The following SUGCT variants were observed in gnomAD, a reference collection of about 807,000 sequenced individuals.
SUGCT encodes the protein succinyl-CoA:glutarate-CoA transferase, also known as succinyl-CoA:glutarate CoA-transferase.
Under a neutral mutation model 55.0 loss-of-function variants are expected in SUGCT, and 41 were observed. The observed-to-expected ratio is 0.74, with a 90% CI of 0.58 to 0.97. The LOEUF is 0.97. Ranked by LOEUF, SUGCT falls within the 50% of genes least tolerant of loss-of-function variation. The probability of loss-of-function intolerance (pLI) is 0.00; values close to 1 mark genes in which losing one functional copy is unlikely to be tolerated. For missense variants in SUGCT, 568 were observed against 547.8 expected (o/e 1.04, Z -0.37); for synonymous variants, 187 against 200.4 (o/e 0.93, Z 0.56).
At chr7:40,290,572 T>A (rs111708787) in intron 8 of SUGCT, among the ~76,000 whole-genome samples, 1 of 151,896 alleles carries the variant, frequency 6.6e-6, no homozygotes, top group Admixed American at 6.5e-5. Flanking sequence ...ACCTAGGCAG[T>A]ACTATTCAGG....
intron 12 of SUGCT, among the ~76,000 whole-genome samples, chr7:40,537,042 G>T (rs1293690584): frequency 6.6e-6 from 1 of 152,148 alleles, no homozygotes; most frequent in African/African-American, 2.4e-5. Flanking sequence ...AATTGAAATT[G>T]TTGATTCACA....
intron 12 of SUGCT, among the ~76,000 whole-genome samples, chr7:40,657,999 T>G (rs1476951955): frequency 1.3e-5 from 2 of 152,162 alleles, no homozygotes; most frequent in African/African-American, 4.8e-5. Flanking sequence ...CAAGGAAAAC[T>G]CTTAGAGGGA....
rs531199636 is a variant in SUGCT, at chr7:40,398,348, T to C, written c.817-50939T>C. Among the ~76,000 whole-genome samples, 15 of 152,220 alleles carry C rather than the reference T, an allele frequency of 9.9e-5. 1 individual carries two copies. In the South Asian group the frequency reaches 2.7e-3, roughly 27 times the overall value. On this transcript the variant is annotated intron_variant, in intron 9 of 13. Transcript: ENST00000335693. Reference sequence around the variant, plus strand: ...CTCAAGTGATCCACCTGCCTGGGCCTCCCAAAGTGCTGGGATTACAGGTGT... The same window carrying C: ...CTCAAGTGATCCACCTGCCTGGGCCCCCCAAAGTGCTGGGATTACAGGTGT...
chr7:40,400,559 C>G (rs1333171350), intron 9 of SUGCT, among the ~76,000 whole-genome samples: 1 of 152,144 alleles, frequency 6.6e-6, no homozygotes, highest in African/African-American at 2.4e-5. Flanking sequence ...AAGCATATAT[C>G]TTCATGAGAG....
chr7:40,851,990 G>A (rs1430183600), intron 13 of SUGCT, among the ~76,000 whole-genome samples: 1 of 152,184 alleles, frequency 6.6e-6, no homozygotes, highest in Middle Eastern at 3.2e-3. Context: ...TTTAGAATGA[G>A]GACATTTAGA....
chr7:40,208,324 G>T (rs958779612), intron 6 of SUGCT, among the ~76,000 whole-genome samples: 102 of 152,124 alleles, frequency 6.7e-4, no homozygotes, highest in African/African-American at 2.4e-3. Context: ...ACTTAAAAAT[G>T]GTTAAAACTA....
intron 8 of SUGCT, among the ~76,000 whole-genome samples, chr7:40,290,008 A>T (rs1353740310): frequency 3.9e-5 from 6 of 152,170 alleles, no homozygotes; most frequent in African/African-American, 7.2e-5. Flanking sequence ...ATAAAAGAGG[A>T]TACAAACAAA....
intron 9 of SUGCT, among the ~76,000 whole-genome samples, chr7:40,405,637 C>G (rs1786318823): frequency 1.3e-5 from 2 of 152,018 alleles, no homozygotes; most frequent in Admixed American, 1.3e-4. Flanking sequence ...TGGCAAAACC[C>G]TGTCTCTACT....
intron 12 of SUGCT, among the ~76,000 whole-genome samples, chr7:40,550,528 C>A (rs184867467): frequency 7.4e-4 from 112 of 152,282 alleles, no homozygotes; most frequent in Non-Finnish European, 1.3e-3. Flanking sequence ...TAGAGGAGAG[C>A]AACCACACAT....
chr7:40,599,798 A>T (rs572515532), intron 12 of SUGCT, among the ~76,000 whole-genome samples: 1 of 152,064 alleles, frequency 6.6e-6, no homozygotes, highest in Non-Finnish European at 1.5e-5. Context: ...AGCTCCCCTT[A>T]CTGGAGTCCA....
rs140708901 is a variant in SUGCT at position 40,733,561 on chromosome 7, G to T, written c.1090-15873G>T. Among the ~76,000 whole-genome samples, 3 of 152,184 alleles carry T rather than the reference G, an allele frequency of 2.0e-5. No individual in the cohort carries two copies. The East Asian group carries it at 5.8e-4, about 29-fold the overall frequency. ...CTTAGTGTTTTTAAGTCTTAGAAAC[G>T]TGTTAATTATCATAATGGTTCTGGC... On this transcript the variant is annotated intron_variant, in intron 12 of 13. Coordinates refer to ENST00000335693, the MANE Select transcript of SUGCT (RefSeq NM_001193313.2).
chr7:40,959,024 C>T, the SUGCT span, among the ~76,000 whole-genome samples: 7 of 152,174 alleles, frequency 4.6e-5, no homozygotes, highest in African/African-American at 1.7e-4. Flanking sequence ...TTGCTGCCTG[C>T]TCCTTCCTCT....
At chr7:40,820,045 G>C (rs1791897693) in intron 13 of SUGCT, among the ~76,000 whole-genome samples, 1 of 151,936 alleles carries the variant, frequency 6.6e-6, no homozygotes, top group Non-Finnish European at 1.5e-5. Flanking sequence ...TTTTTGTCAG[G>C]TTTGTCAAAG....
chr7:40,537,058 G>T (rs1794402367), intron 12 of SUGCT, among the ~76,000 whole-genome samples: 2 of 152,160 alleles, frequency 1.3e-5, no homozygotes, highest in Non-Finnish European at 2.9e-5. Context: ...TCACACCATT[G>T]CAACAATCTG....
intron 11 of SUGCT, among the ~76,000 whole-genome samples, chr7:40,494,401 G>A (rs1377017281): frequency 1.3e-5 from 2 of 152,204 alleles, no homozygotes; most frequent in Non-Finnish European, 2.9e-5. Context: ...GCCAGGAGAT[G>A]ACTGGAACAG....
At chr7:40,167,077 A>T (rs1159405090) in intron 1 of SUGCT, among the ~76,000 whole-genome samples, 2 of 152,188 alleles carry the variant, frequency 1.3e-5, no homozygotes, top group African/African-American at 4.8e-5. Context: ...TGTTCTCACA[A>T]AGATTTGTAC....
At chr7:40,964,107 G>C in the SUGCT span, among the ~76,000 whole-genome samples, 3 of 152,172 alleles carry the variant, frequency 2.0e-5, no homozygotes, top group Non-Finnish European at 4.4e-5. Flanking sequence ...ATATCAAAAT[G>C]TCCTATCAAT....
chr7:40,165,792 T>C (rs770933771), intron 1 of SUGCT, among the ~76,000 whole-genome samples: 8 of 152,162 alleles, frequency 5.3e-5, no homozygotes, highest in Non-Finnish European at 1.0e-4. Flanking sequence ...CATGTGACTG[T>C]ATAATACATA....
intron 12 of SUGCT, among the ~76,000 whole-genome samples, chr7:40,620,951 T>C (rs1030089510): frequency 3.9e-5 from 6 of 152,180 alleles, no homozygotes; most frequent in Non-Finnish European, 7.4e-5. Context: ...GATCTATTTT[T>C]TGTATTTATC....
Sources: gnomAD v4.1 joint callset for allele counts (sites outside exome capture counted in the v4.1 genomes callset) on GRCh38, gnomAD v4.1.1 for gene constraint, MANE v1.5 for transcripts, NCBI Gene and HGNC (gene_info 2026-07-23, HGNC 2026-07-21) for gene names.